The following DLG2 variants were observed in gnomAD, a reference collection of about 807,000 sequenced individuals.
DLG2 encodes disks large homolog 2.
In DLG2, 45 loss-of-function variants were observed where a neutral mutation model predicts 132.5. The ratio of observed to expected loss-of-function variants is 0.34; its 90% CI spans 0.27 to 0.44. The LOEUF is 0.44. Ranked by LOEUF, DLG2 falls within the 20% of genes least tolerant of loss-of-function variation. The pLI is 1.00. For missense variants in DLG2, 1,045 were observed against 1,196.9 expected (o/e 0.87, Z 1.87); for synonymous variants, 424 against 419.6 (o/e 1.01, Z -0.13).
chr11:85,229,968 G>A (rs1028930200), intron 4 of DLG2, among the ~76,000 whole-genome samples: 6 of 151,946 alleles, frequency 3.9e-5, no homozygotes, highest in East Asian at 3.9e-4. Context: ...ATCACACATC[G>A]GGGCCTGTCA....
At chr11:85,610,313 T>A (rs2080899021) in intron 2 of DLG2, among the ~76,000 whole-genome samples, 1 of 152,196 alleles carries the variant, frequency 6.6e-6, no homozygotes, top group Admixed American at 6.5e-5. Flanking sequence ...TAGTGCAAGA[T>A]CTTGGACTCA....
At chr11:84,972,993 T>C (rs1592057863) in intron 6 of DLG2, among the ~76,000 whole-genome samples, 1 of 151,846 alleles carries the variant, frequency 6.6e-6, no homozygotes, top group East Asian at 1.9e-4. Flanking sequence ...GTTTTGCTCT[T>C]TTTGCCCAGG....
chr11:84,540,834 A>T (rs1266732709), intron 6 of DLG2, among the ~76,000 whole-genome samples: 2 of 152,338 alleles, frequency 1.3e-5, no homozygotes, highest in South Asian at 2.1e-4. Context: ...AATGTGGCAC[A>T]TATACACCAT....
chr11:84,443,588 T>C (rs1003224475), intron 7 of DLG2, among the ~76,000 whole-genome samples: 7 of 152,214 alleles, frequency 4.6e-5, no homozygotes, highest in Non-Finnish European at 1.0e-4. Flanking sequence ...GACATTCATG[T>C]TTCCGAAACA....
intron 9 of DLG2, among the ~76,000 whole-genome samples, chr11:84,136,115 G>C (rs2094591235): frequency 6.6e-6 from 1 of 152,152 alleles, no homozygotes; most frequent in Non-Finnish European, 1.5e-5. Flanking sequence ...GATATCCACA[G>C]TTGCATGATT....
At chr11:85,390,491 G>A (rs2086706378) in intron 3 of DLG2, among the ~76,000 whole-genome samples, 1 of 151,774 alleles carries the variant, frequency 6.6e-6, no homozygotes, top group African/African-American at 2.4e-5. Flanking sequence ...AGTATACCCT[G>A]GAACAAACAG....
At chr11:84,029,392 T>A (rs927338600) in intron 11 of DLG2, among the ~76,000 whole-genome samples, 1 of 152,132 alleles carries the variant, frequency 6.6e-6, no homozygotes, top group South Asian at 2.1e-4. Flanking sequence ...CATTTCCTTG[T>A]CCTAATGAAA....
intron 6 of DLG2, among the ~76,000 whole-genome samples, chr11:85,111,041 T>C (rs147032065): frequency 6.6e-6 from 1 of 152,246 alleles, no homozygotes; most frequent in Non-Finnish European, 1.5e-5. Context: ...ACAGAAGTAG[T>C]AGCATGAGTA....
At chr11:84,827,109 A>G (rs2078423072) in intron 6 of DLG2, among the ~76,000 whole-genome samples, 1 of 151,810 alleles carries the variant, frequency 6.6e-6, no homozygotes, top group African/African-American at 2.4e-5. Context: ...GAGCACAGTA[A>G]CTCAATATAT....
intron 6 of DLG2, among the ~76,000 whole-genome samples, chr11:84,782,667 T>C (rs935262200): frequency 3.9e-5 from 6 of 152,166 alleles, no homozygotes; most frequent in African/African-American, 1.4e-4. Context: ...TCTCTGAATC[T>C]CAGGTTTCTC....
intron 3 of DLG2, among the ~76,000 whole-genome samples, chr11:85,556,838 C>G (rs948226521): frequency 6.6e-6 from 1 of 151,746 alleles, no homozygotes; most frequent in Admixed American, 6.6e-5. Context: ...AAAGTTTATT[C>G]TCTCTTCTAG....
At chr11:84,082,242 G>T (rs528498713) in intron 10 of DLG2, among the ~76,000 whole-genome samples, 2 of 152,044 alleles carry the variant, frequency 1.3e-5, no homozygotes, top group East Asian at 3.9e-4. Flanking sequence ...AAAGTACAAT[G>T]CCTGTGTTAT....
At chr11:85,519,009 A>G (rs1389614178) in intron 3 of DLG2, among the ~76,000 whole-genome samples, 1 of 152,188 alleles carries the variant, frequency 6.6e-6, no homozygotes, top group African/African-American at 2.4e-5. Context: ...ATTTCAGAAG[A>G]CATATGGAAA....
At chr11:84,833,075 A>G (rs2079248449) in intron 6 of DLG2, among the ~76,000 whole-genome samples, 1 of 151,572 alleles carries the variant, frequency 6.6e-6, no homozygotes, top group African/African-American at 2.4e-5. Context: ...GAAAAATTTT[A>G]TAAATTTGCT....
At chr11:85,229,505 G>C (rs1254928404) in intron 4 of DLG2, among the ~76,000 whole-genome samples, 1 of 152,106 alleles carries the variant, frequency 6.6e-6, no homozygotes, top group Non-Finnish European at 1.5e-5. Flanking sequence ...TTCTGGAGAG[G>C]ATGTGGAGAA....
chr11:85,148,466 C>T (rs997773503), intron 5 of DLG2, among the ~76,000 whole-genome samples: 2 of 152,032 alleles, frequency 1.3e-5, no homozygotes, highest in African/African-American at 4.8e-5. Flanking sequence ...GAGATGGTAC[C>T]TCATTGTGGT....
At chr11:84,603,844 C>T (rs943626107) in intron 6 of DLG2, among the ~76,000 whole-genome samples, 2 of 151,958 alleles carry the variant, frequency 1.3e-5, no homozygotes, top group African/African-American at 4.8e-5. Context: ...TGGCTTCAGC[C>T]TCTGCTCCCA....
intron 11 of DLG2, among the ~76,000 whole-genome samples, chr11:84,032,779 T>C (rs1449561625): frequency 6.6e-6 from 1 of 152,184 alleles, no homozygotes; most frequent in Non-Finnish European, 1.5e-5. Flanking sequence ...CTGATTCTCC[T>C]GGTAAGGGTT....
intron 6 of DLG2, among the ~76,000 whole-genome samples, chr11:84,966,538 G>T (rs753222224): frequency 1.8e-4 from 28 of 152,210 alleles, no homozygotes; most frequent in African/African-American, 6.0e-4. Context: ...GAATCTACTG[G>T]TGGCAAGAAG....
Sources: allele counts gnomAD v4.1 joint callset (sites outside exome capture counted in the v4.1 genomes callset), GRCh38; gene constraint gnomAD v4.1.1; transcripts MANE v1.5; gene names NCBI Gene and HGNC (gene_info 2026-07-23, HGNC 2026-07-21).